MROH2B: variants seen among roughly 807,000 people sequenced by gnomAD.
The protein encoded by MROH2B is maestro heat-like repeat-containing protein family member 2B.
A neutral mutation model predicts 208.6 loss-of-function variants in MROH2B; 177 were observed. The observed-to-expected ratio is 0.85, with a 90% CI of 0.75 to 0.96. MROH2B has a LOEUF of 0.96. Among genes scored for constraint, MROH2B ranks in the 40% least tolerant of loss-of-function variants. The pLI, the probability that MROH2B is intolerant of heterozygous loss-of-function variation, is 0.00. For synonymous variants in MROH2B, 728 were observed against 659.0 expected, an observed-to-expected ratio of 1.10 and a Z score of -1.60; for missense variants, 2,002 against 1,878.7, an observed-to-expected ratio of 1.07 and a Z score of -1.21.
chr5:41,056,424 G>A (rs1318628649), intron 9 of MROH2B, among the ~76,000 whole-genome samples: 1 of 152,036 alleles, frequency 6.6e-6, no homozygotes, highest in Non-Finnish European at 1.5e-5. Context: ...GAAGTAGAAA[G>A]GTATGCATAC....
intron 24 of MROH2B, among the ~76,000 whole-genome samples, chr5:41,020,569 T>G (rs1742112425): frequency 6.6e-6 from 1 of 152,216 alleles, no homozygotes; most frequent in Non-Finnish European, 1.5e-5. Context: ...CCTAGTTCAC[T>G]GACTGATATG....
At chr5:41,015,569 G>T in intron 28 of MROH2B, 91 bp from the exon 29 acceptor site, 1 of 1,107,472 alleles carries the variant, frequency 9.0e-7, no homozygotes, top group Non-Finnish European at 1.3e-6. Context: ...CACTAAATTA[G>T]CTGCTGTCTG....
At chr5:41,047,953 C>G (rs972922479) in intron 16 of MROH2B, among the ~76,000 whole-genome samples, 189 bp from the exon 17 acceptor site, 2 of 152,148 alleles carry the variant, frequency 1.3e-5, no homozygotes, top group Non-Finnish European at 2.9e-5. Context: ...GGTCTTCAAT[C>G]TATCATAAAA....
chr5:41,016,391 TA>T (rs1741948897), intron 28 of MROH2B, among the ~76,000 whole-genome samples: 1 of 151,952 alleles, frequency 6.6e-6, no homozygotes, highest in East Asian at 1.9e-4. Flanking sequence ...TTTCATATTT[TA>T]GGAAAATGAA....
Position 41,049,141 on chromosome 5 carries a change from A to C in MROH2B, c.1502T>G (p.Val501Gly). ...TAGCTGCTGTGGTGAAGGAAGTTTC[A>C]CTAGAAAGAGAAAGCAATTTTCATC... is the stretch of plus-strand genomic sequence containing the variant. ...STALVVSTGAVKLPSPQQLLA... is the reference protein window; with the variant it reads ...STALVVSTGAGKLPSPQQLLA... The change falls in exon 15 of 42, where the codon GTG (valine) becomes GGG (glycine). Residue 501 changes from valine (V) to glycine (G), a missense_variant and splice_region_variant. Val to Gly is a moderately radical substitution (Grantham distance 109, BLOSUM62 -3). Transcript: ENST00000399564. 1 of 1,601,348 alleles carries C rather than the reference A, an allele frequency of 6.2e-7. No homozygotes were observed. Among genetic ancestry groups the C allele is most frequent in the Non-Finnish European group, 8.5e-7 (1 of 1,173,184 alleles).
chr5:41,064,700 T>C, intron 4 of MROH2B, 130 bp from the exon 5 acceptor site: 1 of 589,394 alleles, frequency 1.7e-6, no homozygotes, highest in Admixed American at 2.8e-5. Context: ...AGAAAGATGT[T>C]TCTATAATTC....
At chr5:41,061,423 G>T in intron 6 of MROH2B, 147 bp downstream of exon 6, 1 of 657,836 alleles carries the variant, frequency 1.5e-6, no homozygotes, top group Non-Finnish European at 2.3e-6. Context: ...TGAAATAGGT[G>T]GGAAAAAAGA....
intron 33 of MROH2B, 119 bp from the exon 34 acceptor site, chr5:41,007,573 G>C (rs761001064): frequency 4.3e-5 from 43 of 1,001,308 alleles, no homozygotes; most frequent in Non-Finnish European, 3.4e-5. Context: ...GGGATGTTGT[G>C]TAAGGGAAAA....
intron 29 of MROH2B, among the ~76,000 whole-genome samples, chr5:41,014,452 C>T (rs13169722): frequency 0.18 from 27,645 of 151,790 alleles, 3,178 homozygotes; most frequent in South Asian, 0.32. Flanking sequence ...TAGGGGGGTG[C>T]GGAGGGATAG....
intron 9 of MROH2B, among the ~76,000 whole-genome samples, chr5:41,056,189 G>A (rs918479543): frequency 2.0e-5 from 3 of 152,146 alleles, no homozygotes; most frequent in Non-Finnish European, 4.4e-5. Flanking sequence ...AAGGAGAAGA[G>A]ACATGGGGCA....
chr5:40,998,091 G>T lies in MROH2B; in HGVS notation c.4719C>A (p.Thr1573=). Residue 1573 remains threonine (T), a synonymous_variant, in exon 42 of 42, where the codon ACC becomes ACA. Transcript: ENST00000399564. ...TTGTCTCTTTACACCTTCTCAGGAG[G>T]GTTTGCAAAGCAGCCTCAGCTGCTC... is the stretch of plus-strand genomic sequence containing the variant. ...VQRAAEAALQ[T]LLRRCKETSI... is the part of the protein sequence containing the mutation. 6.2e-7 allele frequency: 1 copy of T among 1,612,428 alleles called. No homozygotes were observed. The highest frequency in any genetic ancestry group is 1.1e-5 in the South Asian group (1 of 90,994).
chr5:41,004,065 C>T (rs930376213), intron 37 of MROH2B, among the ~76,000 whole-genome samples: 1 of 152,158 alleles, frequency 6.6e-6, no homozygotes, highest in African/African-American at 2.4e-5. Context: ...TCTACAAACT[C>T]TTGTTTCTTA....
At chr5:41,041,348 G>A (rs557759990) in intron 19 of MROH2B, among the ~76,000 whole-genome samples, 53 of 151,964 alleles carry the variant, frequency 3.5e-4, no homozygotes, top group South Asian at 8.3e-4. Flanking sequence ...CATCTTCAGC[G>A]GGGTGCGGTG....
chr5:41,002,739 T>C (rs1741437854), intron 37 of MROH2B, among the ~76,000 whole-genome samples: 1 of 152,178 alleles, frequency 6.6e-6, no homozygotes, highest in Admixed American at 6.5e-5. Flanking sequence ...CCTTCTCTGA[T>C]GACACTGGGC....
intron 29 of MROH2B, among the ~76,000 whole-genome samples, 191 bp from the exon 30 acceptor site, chr5:41,012,926 C>T (rs1002329636): frequency 6.6e-6 from 1 of 152,170 alleles, no homozygotes; most frequent in Admixed American, 6.5e-5. Flanking sequence ...ACTAAGCAAA[C>T]TTTCCGTGGA....
At chr5:41,010,126 C>G (rs1741729324) in intron 30 of MROH2B, 47 bp from the exon 31 acceptor site, 1 of 1,593,018 alleles carries the variant, frequency 6.3e-7, no homozygotes, top group Non-Finnish European at 8.6e-7. Context: ...CATTTTCCCT[C>G]TATGTGAATG....
intron 5 of MROH2B, among the ~76,000 whole-genome samples, chr5:41,062,867 T>C (rs542012701): frequency 5.9e-5 from 9 of 152,124 alleles, no homozygotes; most frequent in East Asian, 1.9e-4. Context: ...TGTGTGTACA[T>C]GTGTGTATGT....
At chr5:41,058,785 G>A (rs968173042) in intron 6 of MROH2B, among the ~76,000 whole-genome samples, 4 of 151,982 alleles carry the variant, frequency 2.6e-5, no homozygotes, top group African/African-American at 9.7e-5. Flanking sequence ...GATGGCTCAC[G>A]CCTGTAATCT....
At chr5:41,066,233 T>G (rs1345303091) in intron 3 of MROH2B, among the ~76,000 whole-genome samples, 1 of 152,214 alleles carries the variant, frequency 6.6e-6, no homozygotes, top group Non-Finnish European at 1.5e-5. Flanking sequence ...AGATTTCTGA[T>G]TTTGGTGATG....
Sources: allele counts gnomAD v4.1 joint callset (sites outside exome capture counted in the v4.1 genomes callset), GRCh38; gene constraint gnomAD v4.1.1; transcripts MANE v1.5; gene names NCBI Gene and HGNC (gene_info 2026-07-23, HGNC 2026-07-21).